The following SUCLG1 variants were observed in gnomAD, a reference collection of about 807,000 sequenced individuals.
SUCLG1 encodes succinate--CoA ligase [ADP/GDP-forming] subunit alpha, mitochondrial.
In SUCLG1, 26 loss-of-function variants were observed where a neutral mutation model predicts 37.3. The ratio of observed to expected loss-of-function variants is 0.70; its 90% CI spans 0.51 to 0.97. The LOEUF (loss-of-function observed/expected upper bound fraction) is 0.97, where lower values mean the gene tolerates loss of function less well. SUCLG1 is among the 50% of genes least tolerant of loss of function. The pLI, the probability that SUCLG1 is intolerant of heterozygous loss-of-function variation, is 0.00. For missense variants in SUCLG1, 433 were observed against 432.9 expected (o/e 1.00, Z 0.00); for synonymous variants, 163 against 155.6 (o/e 1.05, Z -0.36).
chr2:84,456,272 T>A (rs73942665), intron 1 of SUCLG1, among the ~76,000 whole-genome samples: 1,688 of 152,280 alleles, frequency 0.011, 29 homozygotes, highest in African/African-American at 0.039. Flanking sequence ...GCTTAAGTTA[T>A]CACATGGTAC....
intron 1 of SUCLG1, among the ~76,000 whole-genome samples, chr2:84,450,968 A>C (rs151168432): frequency 1.5e-3 from 221 of 152,346 alleles, no homozygotes; most frequent in Non-Finnish European, 2.3e-3. Flanking sequence ...GACTGTGCTC[A>C]ACAAGGGGCC....
At chr2:84,442,929 AG>A (rs1672796623) in intron 3 of SUCLG1, among the ~76,000 whole-genome samples, 1 of 152,234 alleles carries the variant, frequency 6.6e-6, no homozygotes, top group African/African-American at 2.4e-5. Flanking sequence ...AGGCCTGAAC[AG>A]GGCAATTTGA....
intron 5 of SUCLG1, among the ~76,000 whole-genome samples, chr2:84,436,845 C>T (rs187680568): frequency 1.3e-5 from 2 of 152,326 alleles, no homozygotes; most frequent in African/African-American, 4.8e-5. Flanking sequence ...TAAGAGTCTT[C>T]ACAACCCCTA....
chr2:84,425,574 G>A lies in SUCLG1; in HGVS notation c.855C>T (p.Phe285=). ...CAGGAGGAGCAGTTAAACCAGCAAT[G>A]AAGGACACTACAGGCTTGGAATTTG... ...SGPNSKPVVS[F]IAGLTAPPGR... is the part of the protein sequence containing the mutation. The change falls in exon 8 of 9, where the codon TTC becomes TTT. Residue 285 remains phenylalanine, a synonymous_variant. Transcript: ENST00000393868. 6.2e-7 allele frequency: 1 copy of A among 1,614,224 alleles called. No individual in the cohort carries two copies. The highest frequency in any genetic ancestry group is 8.5e-7 in the Non-Finnish European group (1 of 1,180,044).
At chr2:84,442,451 T>G (rs1312017272) in intron 3 of SUCLG1, among the ~76,000 whole-genome samples, 1 of 152,148 alleles carries the variant, frequency 6.6e-6, no homozygotes, top group Non-Finnish European at 1.5e-5. Context: ...ACCCAAGAAT[T>G]TACACTATAG....
intron 7 of SUCLG1, chr2:84,426,274 G>T (rs1472913008): frequency 6.8e-6 from 1 of 147,206 alleles, no homozygotes; most frequent in African/African-American, 2.5e-5. Context: ...AGATTCTGAG[G>T]TTTAAAAAAA....
rs1261669998 is a variant in SUCLG1, at chr2:84,455,302, C to G, written c.97+3871G>C. Among the ~76,000 whole-genome samples the G allele has an allele frequency of 2.0e-5, 3 of 152,078 alleles. No homozygotes were observed. The East Asian group carries it at 5.8e-4, about 29-fold the overall frequency. ...CTGAGGTCAGGAGTTTGAGACCAGC[C>G]TGACCAACATGGAGAAACCCCGTCT... On this transcript the variant is annotated intron_variant, in intron 1 of 8. Coordinates refer to ENST00000393868, the MANE Select transcript of SUCLG1 (RefSeq NM_003849.4).
At position 84,425,421 on chromosome 2, in the gene SUCLG1, G is replaced by T. The variant is rs1210850737; in HGVS notation, c.1008C>A (p.Ile336=). Residue 336 remains isoleucine, a synonymous_variant, in exon 8 of 9, where the codon ATC becomes ATA. Coordinates refer to ENST00000393868, the MANE Select transcript of SUCLG1 (RefSeq NM_003849.4). ...GGCCACTGTTGGAGCTCACCTTGTA[G>T]ATCGTGGTTCCCAGCTGTGCAGGAG... ...SMSPAQLGTT[I]YKEFEKRKML The T allele has an allele frequency of 6.2e-7, 1 of 1,614,180 alleles. No individual in the cohort carries two copies. The highest frequency in any genetic ancestry group is 8.5e-7 in the Non-Finnish European group (1 of 1,180,042).
chr2:84,441,538 A>G, intron 3 of SUCLG1, 79 bp from the exon 4 acceptor site: 3 of 1,462,476 alleles, frequency 2.1e-6, no homozygotes. Flanking sequence ...CATCATTTTA[A>G]TAATGTCTTG....
chr2:84,455,474 A>G (rs1356490395), intron 1 of SUCLG1, among the ~76,000 whole-genome samples: 2 of 120,964 alleles, frequency 1.7e-5, no homozygotes, highest in African/African-American at 6.6e-5. Context: ...AGCCTGAGCA[A>G]TAAGAGCAAA....
intron 1 of SUCLG1, 108 bp from the exon 2 acceptor site, chr2:84,449,860 C>T (rs908723986): frequency 4.5e-5 from 36 of 797,892 alleles, no homozygotes; most frequent in Middle Eastern, 7.4e-4. Flanking sequence ...CTTTAATGCA[C>T]GCGCTATCCT....
Position 84,423,698 on chromosome 2 carries a change from A to G in SUCLG1, c.*48T>C. The G allele has an allele frequency of 1.3e-6, 2 of 1,562,394 alleles. No individual in the cohort carries two copies. The highest frequency in any genetic ancestry group is 1.8e-6 in the Non-Finnish European group (2 of 1,141,266). Reference sequence around the variant, plus strand: ...AACAGAAGCAAACTGCTGCTGGGTTACATGTCTACGTGATCCATTCCACAG... The same window carrying G: ...AACAGAAGCAAACTGCTGCTGGGTTGCATGTCTACGTGATCCATTCCACAG... On this transcript the variant is annotated 3_prime_UTR_variant, in exon 9 of 9. Coordinates refer to ENST00000393868, the MANE Select transcript of SUCLG1 (RefSeq NM_003849.4).
chr2:84,440,999 T>G (rs997757927), intron 5 of SUCLG1, 48 bp downstream of exon 5: 1 of 1,583,424 alleles, frequency 6.3e-7, no homozygotes. Context: ...TTTGAGGGTT[T>G]AAGGCAAATA....
At chr2:84,452,860 A>C (rs1328180032) in intron 1 of SUCLG1, among the ~76,000 whole-genome samples, 1 of 152,174 alleles carries the variant, frequency 6.6e-6, no homozygotes, top group African/African-American at 2.4e-5. Context: ...CAGGGTCTCC[A>C]AAAGAAACAC....
At chr2:84,436,892 G>A (rs1381836771) in intron 5 of SUCLG1, among the ~76,000 whole-genome samples, 1 of 152,124 alleles carries the variant, frequency 6.6e-6, no homozygotes, top group East Asian at 1.9e-4. Context: ...GGCACAGAAG[G>A]TAAACATATA....
chr2:84,433,713 C>A, intron 5 of SUCLG1: 1 of 442,118 alleles, frequency 2.3e-6, no homozygotes, highest in East Asian at 4.7e-5. Context: ...TAAATTACCT[C>A]TTCTGAGAAT....
intron 6 of SUCLG1, chr2:84,433,122 C>T: frequency 1.7e-6 from 1 of 577,816 alleles, no homozygotes; most frequent in Non-Finnish European, 3.1e-6. Flanking sequence ...CTTCGGGAGC[C>T]ACGTGTTCCA....
At chr2:84,458,845 C>T (rs1673087197) in intron 1 of SUCLG1, among the ~76,000 whole-genome samples, 2 of 152,164 alleles carry the variant, frequency 1.3e-5, no homozygotes, top group South Asian at 4.1e-4. Flanking sequence ...CCAAATAAGG[C>T]CAGTCTAGAC....
chr2:84,437,858 A>G (rs1283419182), intron 5 of SUCLG1, among the ~76,000 whole-genome samples: 1 of 152,266 alleles, frequency 6.6e-6, no homozygotes, highest in Non-Finnish European at 1.5e-5. Flanking sequence ...AAGTACATTC[A>G]TACCATGAAT....
Sources: gnomAD v4.1 joint callset for allele counts (sites outside exome capture counted in the v4.1 genomes callset) on GRCh38, gnomAD v4.1.1 for gene constraint, MANE v1.5 for transcripts, NCBI Gene and HGNC (gene_info 2026-07-23, HGNC 2026-07-21) for gene names.